NUP98: variants seen among roughly 807,000 people sequenced by gnomAD.
NUP98 encodes the protein nucleoporin 98 and 96 precursor, also known as nuclear pore complex protein Nup98-Nup96.
Under a neutral mutation model 191.9 loss-of-function variants are expected in NUP98, and 26 were observed. That is an observed-to-expected ratio of 0.14 (90% CI 0.10 to 0.19). The LOEUF (loss-of-function observed/expected upper bound fraction) is 0.19, where lower values mean the gene tolerates loss of function less well. Ranked by LOEUF, NUP98 falls within the 10% of genes least tolerant of loss-of-function variation. The probability of loss-of-function intolerance (pLI) is 1.00; values close to 1 mark genes in which losing one functional copy is unlikely to be tolerated. For synonymous variants in NUP98, 808 were observed against 778.4 expected (o/e 1.04, Z -0.63); for missense variants, 1,941 against 2,178.8 (o/e 0.89, Z 2.17).
At chr11:3,695,756 C>A in intron 25 of NUP98, 150 bp from the exon 26 acceptor site, 1 of 562,046 alleles carries the variant, frequency 1.8e-6, no homozygotes, top group East Asian at 3.3e-5. Flanking sequence ...AAATATTGAT[C>A]AAAAACTTAC....
Position 3,724,382 on chromosome 11 carries a change from G to A in NUP98, c.1847+721C>T, listed in dbSNP as rs1358749383. ...CAATTCACATCAGAGGATACAGTGG[G>A]CCGAGATCGTGCCACTGCACTCCAG... On this transcript the variant is annotated intron_variant, in intron 15 of 32. Transcript: ENST00000324932. Among the ~76,000 whole-genome samples, 6 of 151,308 alleles carry A rather than the reference G, an allele frequency of 4.0e-5. No homozygotes were observed. The South Asian group carries it at 8.4e-4, about 21-fold the overall frequency.
At chr11:3,689,313 T>A (rs543354854) in intron 28 of NUP98, among the ~76,000 whole-genome samples, 65 of 151,952 alleles carry the variant, frequency 4.3e-4, no homozygotes, top group African/African-American at 1.4e-3. Context: ...GATCACGAGG[T>A]CAGGAGATCG....
chr11:3,795,936 CA>C (rs1201631466), intron 1 of NUP98, among the ~76,000 whole-genome samples: 6 of 152,152 alleles, frequency 3.9e-5, no homozygotes, highest in African/African-American at 1.4e-4. Context: ...TGTACAGAAC[CA>C]AGTGTCAACT....
At chr11:3,751,917 T>C (rs536400144) in intron 11 of NUP98, among the ~76,000 whole-genome samples, 1 of 151,764 alleles carries the variant, frequency 6.6e-6, no homozygotes, top group African/African-American at 2.4e-5. Context: ...GTGGCTCATG[T>C]CTGTAATCCC....
rs2081228595 is a variant in NUP98, at chr11:3,763,100, G to A, written c.949-61C>T. ...GTAATAGTTTCCGTAACGAATCTCA[G>A]AGTAATAAAAAAAAAGTTACCATTT... On this transcript the variant is annotated intron_variant, in intron 8 of 32. Coordinates refer to ENST00000324932, the MANE Select transcript of NUP98 (RefSeq NM_016320.5). The A allele has an allele frequency of 1.1e-5, 17 of 1,488,916 alleles. No homozygotes were observed. The South Asian group carries it at 2.2e-4, about 19-fold the overall frequency. 92.2% of individuals were successfully genotyped at this position (1,488,916 alleles called of 1,614,324 possible).
intron 22 of NUP98, 85 bp from the exon 23 acceptor site, chr11:3,702,977 G>A: frequency 9.0e-7 from 1 of 1,117,258 alleles, no homozygotes; most frequent in Non-Finnish European, 1.3e-6. Context: ...AATCAGTAAG[G>A]CTGAAATCAT....
intron 12 of NUP98, among the ~76,000 whole-genome samples, chr11:3,742,461 G>A (rs1020710612): frequency 6.6e-6 from 1 of 152,070 alleles, no homozygotes; most frequent in Non-Finnish European, 1.5e-5. Flanking sequence ...AGAACTTTGG[G>A]AGGCCAAGGT....
chr11:3,759,270 T>C (rs1413656865), intron 10 of NUP98, among the ~76,000 whole-genome samples: 4 of 152,132 alleles, frequency 2.6e-5, no homozygotes, highest in Admixed American at 6.6e-5. Context: ...AGATGCTGAA[T>C]TTTGAAAACA....
chr11:3,747,801 C>T (rs1188377922), intron 11 of NUP98, among the ~76,000 whole-genome samples: 1 of 152,184 alleles, frequency 6.6e-6, no homozygotes, highest in Non-Finnish European at 1.5e-5. Context: ...AGCTATAGTG[C>T]TAGTCTACCT....
At chr11:3,775,788 TA>T in intron 5 of NUP98, 93 bp downstream of exon 5, 1 of 1,248,968 alleles carries the variant, frequency 8.0e-7, no homozygotes, top group Non-Finnish European at 1.1e-6. Context: ...AGTGTCAAGC[TA>T]AGCTGGAAAG....
At chr11:3,690,525 G>A (rs1191739893) in intron 28 of NUP98, among the ~76,000 whole-genome samples, 1 of 152,130 alleles carries the variant, frequency 6.6e-6, no homozygotes, top group East Asian at 1.9e-4. Flanking sequence ...CTCCAAAAAT[G>A]CTGGGATTAC....
At chr11:3,676,835 T>C (rs996335993) in intron 31 of NUP98, 2 of 650,884 alleles carry the variant, frequency 3.1e-6, no homozygotes, top group Admixed American at 4.4e-5. Flanking sequence ...TACCTAGCCT[T>C]GGACTAGGAA....
intron 11 of NUP98, among the ~76,000 whole-genome samples, chr11:3,750,302 G>A (rs1025448824): frequency 1.3e-5 from 2 of 151,252 alleles, no homozygotes; most frequent in Admixed American, 6.6e-5. Context: ...TGCATTTTTA[G>A]TACAGAGAGG....
intron 12 of NUP98, among the ~76,000 whole-genome samples, chr11:3,739,982 T>C (rs1206764419): frequency 6.6e-6 from 1 of 152,172 alleles, no homozygotes; most frequent in Non-Finnish European, 1.5e-5. Flanking sequence ...TAGTACGTAC[T>C]ACATATAATA....
intron 10 of NUP98, among the ~76,000 whole-genome samples, chr11:3,757,315 CTG>C (rs1242501907): frequency 6.6e-6 from 1 of 151,768 alleles, no homozygotes; most frequent in Non-Finnish European, 1.5e-5. Flanking sequence ...ATGGCAAACC[CTG>C]TCTCTACAAA....
At chr11:3,794,276 G>A (rs1046540251) in intron 1 of NUP98, among the ~76,000 whole-genome samples, 5 of 152,046 alleles carry the variant, frequency 3.3e-5, no homozygotes, top group Non-Finnish European at 5.9e-5. Flanking sequence ...CAAGTTCTCA[G>A]GAAATGTTTA....
At chr11:3,723,033 T>C in intron 16 of NUP98, 124 bp downstream of exon 16, 1 of 823,238 alleles carries the variant, frequency 1.2e-6, no homozygotes, top group African/African-American at 1.7e-5. Flanking sequence ...CTCTCCTATG[T>C]GGGATCACAT....
intron 7 of NUP98, 89 bp from the exon 8 acceptor site, chr11:3,768,833 T>C (rs2081424951): frequency 1.9e-6 from 2 of 1,046,706 alleles, no homozygotes; most frequent in East Asian, 5.2e-5. Flanking sequence ...TATCCAGTTG[T>C]TGTAATAGTC....
intron 12 of NUP98, among the ~76,000 whole-genome samples, chr11:3,741,753 G>C (rs553140567): frequency 2.7e-4 from 41 of 152,242 alleles, no homozygotes; most frequent in African/African-American, 9.9e-4. Context: ...CAGGACAAAA[G>C]GACAATCCTA....
Sources: gnomAD v4.1 joint callset for allele counts (sites outside exome capture counted in the v4.1 genomes callset) on GRCh38, gnomAD v4.1.1 for gene constraint, MANE v1.5 for transcripts, NCBI Gene and HGNC (gene_info 2026-07-23, HGNC 2026-07-21) for gene names.